Variants in FHIT observed in about 807,000 individuals in gnomAD.
FHIT encodes the protein fragile histidine triad diadenosine triphosphatase.
Under a neutral mutation model 17.9 loss-of-function variants are expected in FHIT, and 19 were observed. The ratio of observed to expected loss-of-function variants is 1.06; its 90% confidence interval spans 0.74 to 1.56. The LOEUF (loss-of-function observed/expected upper bound fraction) is 1.56, where lower values mean the gene tolerates loss of function less well. FHIT is among the 40% of genes most tolerant of loss of function. The probability of loss-of-function intolerance (pLI) is 0.00; values close to 1 mark genes in which losing one functional copy is unlikely to be tolerated. For synonymous variants in FHIT, 81 were observed against 69.7 expected, an observed-to-expected ratio of 1.16 and a Z score of -0.81; for missense variants, 248 against 189.2, an observed-to-expected ratio of 1.31 and a Z score of -1.82.
rs568071999 is a variant in FHIT, at chr3:60,076,278, A to G, written c.104-62126T>C. On this transcript the variant is annotated intron_variant, in intron 5 of 9. Transcript: ENST00000492590. ...ACTTCATTTTCAAGTGACCTTTTATAAAGTCCAAACATCAAGTGTCGTAAA... is the reference window on the plus strand; with the variant it reads ...ACTTCATTTTCAAGTGACCTTTTATGAAGTCCAAACATCAAGTGTCGTAAA... Among the ~76,000 whole-genome samples, 229 of 152,208 alleles carry G rather than the reference A, an allele frequency of 1.5e-3. 1 individual carries two copies. Among genetic ancestry groups the G allele is most frequent in the African/African-American group, 4.5e-3 (189 of 41,560 alleles).
chr3:60,415,095 G>C (rs984784746), intron 5 of FHIT, among the ~76,000 whole-genome samples: 3 of 152,120 alleles, frequency 2.0e-5, no homozygotes, highest in African/African-American at 7.2e-5. Context: ...GATGCTGGTA[G>C]ATTAAGGACC....
At chr3:59,884,008 CTTGT>C (rs1208944378) in intron 8 of FHIT, among the ~76,000 whole-genome samples, 4 of 152,132 alleles carry the variant, frequency 2.6e-5, no homozygotes, top group Non-Finnish European at 4.4e-5. Flanking sequence ...TCACTTTTGT[CTTGT>C]TTATGTAAAC....
intron 5 of FHIT, among the ~76,000 whole-genome samples, chr3:60,133,123 G>C (rs887226434): frequency 2.0e-5 from 3 of 152,064 alleles, no homozygotes; most frequent in Non-Finnish European, 4.4e-5. Context: ...TTATGATTGA[G>C]ATGGAACATC....
intron 4 of FHIT, among the ~76,000 whole-genome samples, chr3:60,755,303 G>A (rs1028437351): frequency 2.6e-5 from 4 of 152,170 alleles, no homozygotes; most frequent in Admixed American, 6.5e-5. Flanking sequence ...AAGAGAACAC[G>A]TCCTCCCTGA....
intron 5 of FHIT, among the ~76,000 whole-genome samples, chr3:60,346,703 C>T (rs186463497): frequency 7.9e-5 from 12 of 152,250 alleles, no homozygotes; most frequent in Admixed American, 5.2e-4. Flanking sequence ...AACTAAGGAA[C>T]AAAGCTCTGC....
chr3:60,580,766 T>G (rs2037724460), intron 4 of FHIT, among the ~76,000 whole-genome samples: 1 of 152,096 alleles, frequency 6.6e-6, no homozygotes, highest in Admixed American at 6.6e-5. Context: ...TCACCTCTCA[T>G]GACAATTCCT....
chr3:60,453,507 T>TGA (rs1684561687), intron 5 of FHIT, among the ~76,000 whole-genome samples: 2 of 152,284 alleles, frequency 1.3e-5, no homozygotes, highest in South Asian at 4.2e-4. Flanking sequence ...TCAAGGGAGA[T>TGA]GACTGACAAA....
At chr3:60,191,980 C>T (rs144041680) in intron 5 of FHIT, among the ~76,000 whole-genome samples, 1 of 152,018 alleles carries the variant, frequency 6.6e-6, no homozygotes, top group Non-Finnish European at 1.5e-5. Context: ...GGTGTGGTGG[C>T]TCACACCTGT....
intron 3 of FHIT, among the ~76,000 whole-genome samples, chr3:60,988,121 T>A (rs938606032): frequency 1.3e-5 from 2 of 152,200 alleles, no homozygotes; most frequent in Non-Finnish European, 2.9e-5. Context: ...AAATCAGATG[T>A]TTGTTGGTTG....
chr3:60,390,774 A>G (rs1470021230), intron 5 of FHIT, among the ~76,000 whole-genome samples: 2 of 152,162 alleles, frequency 1.3e-5, no homozygotes, highest in Admixed American at 6.5e-5. Context: ...AAAATACACT[A>G]AAGATATAAA....
intron 4 of FHIT, among the ~76,000 whole-genome samples, chr3:60,768,589 A>C (rs530438943): frequency 6.6e-6 from 1 of 152,324 alleles, no homozygotes; most frequent in South Asian, 2.1e-4. Context: ...AATCTGTTGG[A>C]GAGTTAGTTT....
At chr3:60,057,082 G>C (rs572731282) in intron 5 of FHIT, among the ~76,000 whole-genome samples, 1 of 152,224 alleles carries the variant, frequency 6.6e-6, no homozygotes, top group African/African-American at 2.4e-5. Context: ...CTTTGTCCTG[G>C]GTGGAACTTC....
At chr3:59,866,888 T>C (rs1702676626) in intron 8 of FHIT, among the ~76,000 whole-genome samples, 1 of 152,082 alleles carries the variant, frequency 6.6e-6, no homozygotes, top group Admixed American at 6.5e-5. Context: ...ATCCGGCTGA[T>C]AATTTAGGAA....
chr3:60,291,405 C>G (rs1189412357), intron 5 of FHIT, among the ~76,000 whole-genome samples: 1 of 151,938 alleles, frequency 6.6e-6, no homozygotes, highest in Non-Finnish European at 1.5e-5. Flanking sequence ...GTCACGTCCT[C>G]TATCTGAGCT....
chr3:60,021,286 T>A (rs1700544735), intron 5 of FHIT, among the ~76,000 whole-genome samples: 1 of 152,198 alleles, frequency 6.6e-6, no homozygotes, highest in Non-Finnish European at 1.5e-5. Flanking sequence ...CAACATGCCC[T>A]GAGCTGCCCT....
intron 3 of FHIT, among the ~76,000 whole-genome samples, chr3:60,961,337 T>A (rs1237315713): frequency 1.3e-5 from 2 of 152,224 alleles, no homozygotes; most frequent in Admixed American, 1.3e-4. Context: ...TAGCCCTTTG[T>A]CAGATGCGTA....
chr3:60,280,460 G>A (rs965741572), intron 5 of FHIT, among the ~76,000 whole-genome samples: 2 of 152,106 alleles, frequency 1.3e-5, no homozygotes, highest in African/African-American at 4.8e-5. Context: ...TTATCTGAGT[G>A]GGCCTTAATG....
chr3:60,422,514 C>T (rs909109764), intron 5 of FHIT, among the ~76,000 whole-genome samples: 3 of 152,104 alleles, frequency 2.0e-5, no homozygotes, highest in East Asian at 1.9e-4. Flanking sequence ...TTCTTTACAA[C>T]ATTCTTTTTT....
At chr3:60,842,664 T>C (rs1475616667) in intron 3 of FHIT, among the ~76,000 whole-genome samples, 10 of 136,868 alleles carry the variant, frequency 7.3e-5, no homozygotes, top group South Asian at 4.5e-4. Context: ...TTTTTTTTTT[T>C]CCCTTGCTAG....
Sources: gnomAD v4.1 joint callset for allele counts (sites outside exome capture counted in the v4.1 genomes callset) on GRCh38, gnomAD v4.1.1 for gene constraint, MANE v1.5 for transcripts, NCBI Gene and HGNC (gene_info 2026-07-23, HGNC 2026-07-21) for gene names.